DOCK10: variants seen among roughly 807,000 people sequenced by gnomAD.
The protein encoded by DOCK10 is dedicator of cytokinesis 10, also known as dedicator of cytokinesis protein 10.
DOCK10 carries 145 observed loss-of-function variants against 280.1 expected under a neutral mutation model. The observed-to-expected ratio is 0.52, with a 90% CI of 0.45 to 0.59. DOCK10 has a LOEUF of 0.59. Ranked by LOEUF, DOCK10 falls within the 20% of genes least tolerant of loss-of-function variation. The probability of loss-of-function intolerance (pLI) is 0.00; values close to 1 mark genes in which losing one functional copy is unlikely to be tolerated. For missense variants in DOCK10, 2,368 were observed against 2,651.7 expected (o/e 0.89, Z 2.35); for synonymous variants, 915 against 942.2 (o/e 0.97, Z 0.53).
At chr2:224,957,573 C>A (rs1704124059) in intron 1 of DOCK10, among the ~76,000 whole-genome samples, 1 of 152,118 alleles carries the variant, frequency 6.6e-6, no homozygotes, top group East Asian at 1.9e-4. Context: ...CAGGTGTGAG[C>A]CACCAAATCC....
intron 11 of DOCK10, among the ~76,000 whole-genome samples, chr2:224,869,294 A>G (rs143881418): frequency 6.6e-5 from 10 of 152,346 alleles, no homozygotes; most frequent in Admixed American, 6.5e-4. Context: ...TGACTAAAAA[A>G]TTACATGCTG....
chr2:224,801,716 T>TGG, intron 40 of DOCK10, among the ~76,000 whole-genome samples, 200 bp downstream of exon 40: 1 of 152,276 alleles, frequency 6.6e-6, no homozygotes, highest in Admixed American at 6.5e-5. Context: ...CATATGATAT[T>TGG]GAGGGTTTTG....
At chr2:224,946,825 A>G in intron 1 of DOCK10, 1 of 1,499,560 alleles carries the variant, frequency 6.7e-7, no homozygotes, top group Admixed American at 2.3e-5. Flanking sequence ...GGAAAGCAAA[A>G]CATTGACATT....
chr2:224,886,970 T>C lies in DOCK10; in HGVS notation c.417-439A>G, dbSNP rs574160226. 2.2e-4 allele frequency among the ~76,000 whole-genome samples: 33 copies of C among 151,590 alleles called. No homozygotes were observed. The South Asian group carries it at 2.3e-3, about 11-fold the overall frequency. On this transcript the variant is annotated intron_variant, in intron 4 of 55. Coordinates refer to ENST00000258390, the MANE Select transcript of DOCK10 (RefSeq NM_014689.3). ...TGGGGATGGGGTTTTGTGATGTTGG[T>C]CAGGCTGGTCTTGAACTCCTGGCCT...
chr2:224,767,813 A>G (rs529421837), intron 55 of DOCK10, among the ~76,000 whole-genome samples: 2 of 152,354 alleles, frequency 1.3e-5, no homozygotes, highest in South Asian at 4.1e-4. Flanking sequence ...GTGTTCGGCT[A>G]TTGAGCAGAC....
intron 50 of DOCK10, among the ~76,000 whole-genome samples, chr2:224,785,660 T>TGGGGTTTTTTTG (rs1367644423): frequency 6.6e-6 from 1 of 152,030 alleles, no homozygotes; most frequent in African/African-American, 2.4e-5. Context: ...TTTTGTATTT[T>TGGGGTTTTTTTG]TAGTAGAGAT....
At chr2:224,948,387 T>C (rs887355201) in intron 1 of DOCK10, among the ~76,000 whole-genome samples, 2 of 152,240 alleles carry the variant, frequency 1.3e-5, no homozygotes, top group Non-Finnish European at 2.9e-5. Context: ...AGGATTCCAC[T>C]GAGCAGAAGT....
intron 1 of DOCK10, among the ~76,000 whole-genome samples, chr2:225,013,089 T>G (rs1036964135): frequency 3.3e-5 from 5 of 152,204 alleles, no homozygotes; most frequent in African/African-American, 1.2e-4. Context: ...GTATTCATTT[T>G]CCTCATATTT....
At chr2:224,967,670 T>C (rs186875465) in intron 1 of DOCK10, among the ~76,000 whole-genome samples, 38 of 152,166 alleles carry the variant, frequency 2.5e-4, no homozygotes, top group South Asian at 8.3e-4. Context: ...TGTTTAATTT[T>C]CTAATTAGAA....
chr2:224,815,159 G>A (rs375757332), intron 30 of DOCK10, among the ~76,000 whole-genome samples: 5 of 152,070 alleles, frequency 3.3e-5, no homozygotes, highest in Admixed American at 3.3e-4. Context: ...CTTGAGAGCC[G>A]ATGGTTTTAA....
At chr2:224,967,331 C>T (rs1704828147) in intron 1 of DOCK10, among the ~76,000 whole-genome samples, 1 of 152,166 alleles carries the variant, frequency 6.6e-6, no homozygotes, top group Non-Finnish European at 1.5e-5. Context: ...CTGCCCACCT[C>T]GGCCTCCCAA....
intron 1 of DOCK10, among the ~76,000 whole-genome samples, chr2:225,015,442 G>A (rs1486516830): frequency 1.3e-5 from 2 of 152,176 alleles, no homozygotes; most frequent in African/African-American, 2.4e-5. Context: ...ACGTTGATCT[G>A]ACTGGGTACT....
At chr2:224,925,332 T>G (rs866892778) in intron 2 of DOCK10, among the ~76,000 whole-genome samples, 1 of 152,166 alleles carries the variant, frequency 6.6e-6, no homozygotes, top group African/African-American at 2.4e-5. Flanking sequence ...AGACATACTA[T>G]GAAAAGAACA....
intron 1 of DOCK10, among the ~76,000 whole-genome samples, chr2:224,947,880 G>A (rs1455563186): frequency 6.6e-6 from 1 of 152,028 alleles, no homozygotes; most frequent in African/African-American, 2.4e-5. Context: ...AGAACACGCG[G>A]CACTCAAAAG....
intron 51 of DOCK10, 104 bp downstream of exon 51, chr2:224,778,034 A>G: frequency 8.3e-7 from 1 of 1,204,804 alleles, no homozygotes; most frequent in Non-Finnish European, 1.2e-6. Context: ...TCGTTTTTGT[A>G]GTTTACTTTG....
Position 224,870,857 on chromosome 2 carries a change from C to CACTGTGTCA in DOCK10, c.1257+3130_1257+3138dup, listed in dbSNP as rs1215708238. Among the ~76,000 whole-genome samples, 39 of 111,344 alleles carry CACTGTGTCA rather than the reference C, an allele frequency of 3.5e-4. 1 individual carries two copies. The highest frequency in any genetic ancestry group is 1.4e-3 in the African/African-American group (38 of 27,008). 73.0% of individuals were successfully genotyped at this position (111,344 alleles called of 152,430 possible). A position where few individuals can be genotyped will look rare whatever the true frequency, so the allele number is the denominator to read the frequency against. ...TTTTTTTTTTTTTGAGACGGAGTCT[C>CACTGTGTCA]ACTGTGTCACCCAGGCTGGAGTGCA... is the stretch of plus-strand genomic sequence containing the variant. On this transcript the variant is annotated intron_variant, in intron 11 of 55. Transcript: ENST00000258390.
At chr2:224,928,940 G>A (rs1702178582) in intron 2 of DOCK10, among the ~76,000 whole-genome samples, 1 of 152,164 alleles carries the variant, frequency 6.6e-6, no homozygotes, top group Non-Finnish European at 1.5e-5. Context: ...GCCTTATCCT[G>A]TCCAGCCATA....
chr2:224,787,061 C>A lies in DOCK10; in HGVS notation c.5616G>T (p.Arg1872=). Residue 1872 remains arginine, a synonymous_variant, in exon 50 of 56, where the codon CGG becomes CGT. Transcript: ENST00000258390. The part of the protein sequence containing the change: ...KVAEVVNSEK[R]LFGRYYRVAF... ...CCACACGATAGTAGCGACCAAACAG[C>A]CGCTTCTCCGAATTCACCACCTCTG... 1 of 1,614,012 alleles carries A rather than the reference C, an allele frequency of 6.2e-7. No homozygotes were observed. Among genetic ancestry groups the A allele is most frequent in the South Asian group, 1.1e-5 (1 of 91,078 alleles).
intron 2 of DOCK10, among the ~76,000 whole-genome samples, chr2:224,928,917 A>G (rs1702176887): frequency 6.6e-6 from 1 of 152,190 alleles, no homozygotes; most frequent in East Asian, 1.9e-4. Flanking sequence ...TATAGTTAGA[A>G]TAAGATGCAA....
Sources: allele counts gnomAD v4.1 joint callset (sites outside exome capture counted in the v4.1 genomes callset), GRCh38; gene constraint gnomAD v4.1.1; transcripts MANE v1.5; gene names NCBI Gene and HGNC (gene_info 2026-07-23, HGNC 2026-07-21).